RAPGEF2: variants seen among roughly 807,000 people sequenced by gnomAD.
The protein encoded by RAPGEF2 is PDZ domain containing guanine nucleotide exchange factor (GEF) 1.
RAPGEF2 carries 54 observed loss-of-function variants against 186.7 expected under a neutral mutation model. The observed-to-expected ratio is 0.29, with a 90% CI of 0.23 to 0.36. The LOEUF is 0.36. Among genes scored for constraint, RAPGEF2 ranks in the 10% least tolerant of loss-of-function variants. RAPGEF2 has a pLI of 1.00. For synonymous variants in RAPGEF2, 712 were observed against 705.9 expected, an observed-to-expected ratio of 1.01 and a Z score of -0.14; for missense variants, 1,532 against 2,045.0, an observed-to-expected ratio of 0.75 and a Z score of 4.84.
At chr4:159,156,501 T>C (rs1394863157) in intron 1 of RAPGEF2, among the ~76,000 whole-genome samples, 1 of 152,190 alleles carries the variant, frequency 6.6e-6, no homozygotes, top group East Asian at 1.9e-4. Flanking sequence ...AAAAAAATTA[T>C]ACTTTAAGTT....
intron 11 of RAPGEF2, among the ~76,000 whole-genome samples, chr4:159,324,189 C>G (rs1318578662): frequency 1.3e-5 from 2 of 152,108 alleles, no homozygotes; most frequent in African/African-American, 4.8e-5. Context: ...GCCACTGCGC[C>G]TGGCCTTTTT....
chr4:159,106,340 T>A (rs1579197591), intron 1 of RAPGEF2, among the ~76,000 whole-genome samples: 1 of 152,208 alleles, frequency 6.6e-6, no homozygotes, highest in Admixed American at 6.5e-5. Context: ...TTGTTCGAAA[T>A]GTGAACGTTT....
chr4:159,170,032 T>C (rs1745739282), intron 1 of RAPGEF2, among the ~76,000 whole-genome samples: 1 of 151,988 alleles, frequency 6.6e-6, no homozygotes, highest in African/African-American at 2.4e-5. Context: ...TACATTCTCA[T>C]CAACAGTGAG....
chr4:159,224,369 A>G (rs1439703963), intron 4 of RAPGEF2, among the ~76,000 whole-genome samples: 1 of 152,216 alleles, frequency 6.6e-6, no homozygotes, highest in Admixed American at 6.5e-5. Flanking sequence ...CAAGCCCAAG[A>G]AGCATGAATT....
At chr4:159,308,325 A>T (rs968279152) in intron 8 of RAPGEF2, among the ~76,000 whole-genome samples, 1 of 152,244 alleles carries the variant, frequency 6.6e-6, no homozygotes, top group Non-Finnish European at 1.5e-5. Context: ...GGAAAAATCC[A>T]TAGATGTATC....
At chr4:159,345,793 C>G (rs970064048) in intron 24 of RAPGEF2, among the ~76,000 whole-genome samples, 6 of 152,114 alleles carry the variant, frequency 3.9e-5, no homozygotes, top group African/African-American at 1.4e-4. Context: ...AGCAATGATT[C>G]TGCTCCACAG....
intron 5 of RAPGEF2, among the ~76,000 whole-genome samples, chr4:159,239,848 G>A (rs1435558451): frequency 6.6e-6 from 1 of 152,130 alleles, no homozygotes; most frequent in African/African-American, 2.4e-5. Context: ...TTCACATTTA[G>A]TAAAGTATTT....
chr4:159,289,532 A>G (rs1408415606), intron 7 of RAPGEF2, among the ~76,000 whole-genome samples: 1 of 152,178 alleles, frequency 6.6e-6, no homozygotes, highest in African/African-American at 2.4e-5. Context: ...GTCCCTGTTC[A>G]ATTTCTCTCA....
intron 4 of RAPGEF2, among the ~76,000 whole-genome samples, chr4:159,235,590 GTAATC>G (rs1449959910): frequency 5.9e-5 from 9 of 152,080 alleles, no homozygotes; most frequent in Admixed American, 5.9e-4. Flanking sequence ...TTTCCACTAA[GTAATC>G]TAAAATATTT....
chr4:159,309,310 A>G (rs1561254858), intron 8 of RAPGEF2, among the ~76,000 whole-genome samples: 3 of 152,096 alleles, frequency 2.0e-5, no homozygotes, highest in African/African-American at 7.2e-5. Flanking sequence ...TTTCCTTCCT[A>G]GACGCCAATT....
intron 4 of RAPGEF2, among the ~76,000 whole-genome samples, chr4:159,213,484 A>G (rs1750719043): frequency 6.6e-6 from 1 of 152,220 alleles, no homozygotes; most frequent in African/African-American, 2.4e-5. Context: ...TGAAAGTACC[A>G]AAGTAGCTTG....
At chr4:159,284,784 G>T (rs1760231404) in intron 7 of RAPGEF2, among the ~76,000 whole-genome samples, 1 of 152,184 alleles carries the variant, frequency 6.6e-6, no homozygotes, top group Admixed American at 6.5e-5. Flanking sequence ...GGGTGCGGTG[G>T]CTTCACGCCT....
intron 1 of RAPGEF2, among the ~76,000 whole-genome samples, chr4:159,168,602 T>C (rs1745579055): frequency 1.3e-5 from 2 of 152,174 alleles, no homozygotes; most frequent in South Asian, 4.1e-4. Flanking sequence ...GACATCACTT[T>C]ATATTAAATT....
At chr4:159,258,656 T>C (rs889039646) in intron 7 of RAPGEF2, among the ~76,000 whole-genome samples, 1 of 152,224 alleles carries the variant, frequency 6.6e-6, no homozygotes, top group Non-Finnish European at 1.5e-5. Flanking sequence ...TTGTTAAATA[T>C]TAAATTTCTG....
chr4:159,104,007 C>T lies in RAPGEF2; in HGVS notation c.-156C>T, dbSNP rs1384850527. On this transcript the variant is annotated 5_prime_UTR_variant, in exon 1 of 30. Transcript: ENST00000691494. ...CGGCCGCCGGGCCCAGCCGAGCCGC[C>T]CCCCCGCGGGCCCCGCGCCGCCGCC... 2.3e-5 allele frequency: 4 copies of T among 177,582 alleles called. No homozygotes were observed. Among genetic ancestry groups the T allele is most frequent in the Admixed American group, 2.0e-4 (3 of 15,102 alleles). The allele number at this position is 177,582 out of a possible 1,614,324, so 11.0% of individuals were successfully genotyped here.
intron 1 of RAPGEF2, among the ~76,000 whole-genome samples, chr4:159,110,871 A>T (rs1738414339): frequency 6.7e-6 from 1 of 150,276 alleles, no homozygotes; most frequent in South Asian, 2.1e-4. Context: ...AGTACATATA[A>T]TTGATCTTGT....
At position 159,335,935 on chromosome 4, in the gene RAPGEF2, T is replaced by G. The variant is rs557512119; in HGVS notation, c.2136-2376T>G. Among the ~76,000 whole-genome samples the G allele has an allele frequency of 9.2e-5, 14 of 152,160 alleles. No individual in the cohort carries two copies. The East Asian group carries it at 2.7e-3, about 29-fold the overall frequency. ...TGGCCAAGCCAGCTATGCTTTGTCCTGAGCCCATAGTAATGATCTCGTGTC... is the reference window on the plus strand; with the variant it reads ...TGGCCAAGCCAGCTATGCTTTGTCCGGAGCCCATAGTAATGATCTCGTGTC... On this transcript the variant is annotated intron_variant, in intron 17 of 29. Transcript: ENST00000691494.
intron 7 of RAPGEF2, among the ~76,000 whole-genome samples, chr4:159,302,063 C>T (rs910838390): frequency 6.6e-6 from 1 of 152,134 alleles, no homozygotes; most frequent in African/African-American, 2.4e-5. Flanking sequence ...ATATTTCTTT[C>T]TCTTTTGACA....
intron 13 of RAPGEF2, 110 bp downstream of exon 13, chr4:159,330,608 G>A (rs1766554257): frequency 4.0e-6 from 3 of 749,986 alleles, no homozygotes; most frequent in South Asian, 2.2e-5. Context: ...AATGAAATAG[G>A]AGAATGTAAT....
Sources: gnomAD v4.1 joint callset for allele counts (sites outside exome capture counted in the v4.1 genomes callset) on GRCh38, gnomAD v4.1.1 for gene constraint, MANE v1.5 for transcripts, NCBI Gene and HGNC (gene_info 2026-07-23, HGNC 2026-07-21) for gene names.